Variants in SORBS2 observed in about 807,000 individuals in gnomAD.
The protein encoded by SORBS2 is sorbin and SH3 domain containing 2, also known as sorbin and SH3 domain-containing protein 2.
SORBS2 carries 46 observed loss-of-function variants against 97.7 expected under a neutral mutation model. The ratio of observed to expected loss-of-function variants is 0.47; its 90% CI spans 0.37 to 0.60. The LOEUF (loss-of-function observed/expected upper bound fraction) is 0.60. Among genes scored for constraint, SORBS2 ranks in the 20% least tolerant of loss-of-function variants. The pLI, the probability that SORBS2 is intolerant of heterozygous loss-of-function variation, is 0.00. For synonymous variants in SORBS2, 476 were observed against 473.4 expected, an observed-to-expected ratio of 1.01 and a Z score of -0.07; for missense variants, 1,316 against 1,282.3, an observed-to-expected ratio of 1.03 and a Z score of -0.40.
chr4:185,784,698 G>A (rs1215299966), intron 1 of SORBS2, among the ~76,000 whole-genome samples: 2 of 152,060 alleles, frequency 1.3e-5, no homozygotes, highest in South Asian at 2.1e-4. Context: ...ACATTAGACC[G>A]GCTGAACGAC....
At chr4:185,953,189 C>G (rs2099278015) in intron 1 of SORBS2, among the ~76,000 whole-genome samples, 1 of 152,206 alleles carries the variant, frequency 6.6e-6, no homozygotes, top group Admixed American at 6.5e-5. Context: ...GGGGCGCACG[C>G]CTGAATCCCA....
chr4:185,635,439 A>G, intron 4 of SORBS2, 28 bp from the exon 16 acceptor site: 8 of 1,569,530 alleles, frequency 5.1e-6, no homozygotes, highest in Non-Finnish European at 7.0e-6. Flanking sequence ...ACAGAAGCAG[A>G]AGTGTAGGGA....
At chr4:185,609,059 A>G (rs1872448) in intron 12 of SORBS2, among the ~76,000 whole-genome samples, 93,987 of 151,476 alleles carry the variant, frequency 0.62, 29,645 homozygotes, top group African/African-American at 0.71. Flanking sequence ...TCATGTGAGC[A>G]TCTTAATACA....
chr4:185,660,244 C>T (rs2097494229), upstream of SORBS2, among the ~76,000 whole-genome samples: 1 of 152,170 alleles, frequency 6.6e-6, no homozygotes, highest in African/African-American at 2.4e-5. Context: ...ACTGCATTCA[C>T]TAAGACAGGC....
At chr4:185,678,875 C>G in intron 2 of SORBS2, 53 bp from the exon 6 acceptor site, 1 of 1,122,968 alleles carries the variant, frequency 8.9e-7, no homozygotes, top group Non-Finnish European at 1.2e-6. Flanking sequence ...AAATGAACAA[C>G]CCAGTAAAAA....
intron 2 of SORBS2, among the ~76,000 whole-genome samples, chr4:185,727,783 T>A (rs2098569728): frequency 6.6e-6 from 1 of 152,218 alleles, no homozygotes; most frequent in Non-Finnish European, 1.5e-5. Context: ...AACAGCTTGT[T>A]CAGAAAAAAT....
chr4:185,778,342 G>A (rs2099010244), intron 1 of SORBS2, among the ~76,000 whole-genome samples: 1 of 152,042 alleles, frequency 6.6e-6, no homozygotes, highest in Non-Finnish European at 1.5e-5. Flanking sequence ...ACAAATTCCC[G>A]GGTGATTCTT....
intron 2 of SORBS2, among the ~76,000 whole-genome samples, chr4:185,720,923 G>A (rs530775472): frequency 4.6e-5 from 7 of 151,956 alleles, no homozygotes; most frequent in Non-Finnish European, 8.8e-5. Flanking sequence ...TAGGCCCATC[G>A]CTCTGTCTCC....
chr4:185,672,815 A>G (rs1203572180), intron 4 of SORBS2, among the ~76,000 whole-genome samples: 2 of 152,210 alleles, frequency 1.3e-5, no homozygotes, highest in Non-Finnish European at 2.9e-5. Flanking sequence ...CTCACAGGGT[A>G]TAGCTTACAG....
At chr4:185,688,390 G>A (rs1015799288) in intron 2 of SORBS2, among the ~76,000 whole-genome samples, 3 of 151,824 alleles carry the variant, frequency 2.0e-5, no homozygotes, top group Non-Finnish European at 4.4e-5. Flanking sequence ...CTGTTTAAAT[G>A]AATATTGATA....
chr4:185,787,586 TTTC>T (rs1325831439), intron 1 of SORBS2, among the ~76,000 whole-genome samples: 1 of 152,206 alleles, frequency 6.6e-6, no homozygotes, highest in Admixed American at 6.5e-5. Context: ...CTCTGTCTGA[TTTC>T]TTTTTTAATT....
chr4:185,626,899 T>C, exon 6 of SORBS2: 1 of 1,614,252 alleles, frequency 6.2e-7, no homozygotes, highest in Non-Finnish European at 8.5e-7. Context: ...TGCTTGATCC[T>C]GGGAGGTCCA....
chr4:185,789,288 C>T (rs866132367), intron 1 of SORBS2, among the ~76,000 whole-genome samples: 26 of 152,220 alleles, frequency 1.7e-4, no homozygotes, highest in Admixed American at 4.6e-4. Context: ...AATGAGACTG[C>T]CTTCCTTCTA....
chr4:185,873,382 C>G (rs972503504), intron 1 of SORBS2, among the ~76,000 whole-genome samples: 15 of 152,146 alleles, frequency 9.9e-5, no homozygotes, highest in Admixed American at 3.9e-4. Context: ...TAGATCCTGC[C>G]TTACTACTTG....
At chr4:185,871,532 A>C (rs1243813881) in intron 1 of SORBS2, among the ~76,000 whole-genome samples, 1 of 152,228 alleles carries the variant, frequency 6.6e-6, no homozygotes, top group Admixed American at 6.5e-5. Context: ...CACTCACAAG[A>C]AAAATACAAG....
chr4:185,797,768 C>T (rs528730530), intron 1 of SORBS2, among the ~76,000 whole-genome samples: 61 of 151,974 alleles, frequency 4.0e-4, no homozygotes, highest in African/African-American at 1.3e-3. Flanking sequence ...TCTTCCATGC[C>T]CCCACACCAC....
chr4:185,860,624 C>T (rs7695297), intron 1 of SORBS2, among the ~76,000 whole-genome samples: 41,924 of 151,988 alleles, frequency 0.28, 6,048 homozygotes, highest in East Asian at 0.55. Flanking sequence ...GACATGTACC[C>T]AAGGTGGCTG....
At chr4:185,810,883 A>G (rs6552923) in intron 1 of SORBS2, 51,084 of 151,978 alleles carry the variant, frequency 0.34, 8,696 homozygotes, top group African/African-American at 0.38. Context: ...TATCTCTGAA[A>G]CCTATCTGCT....
At chr4:185,641,470 C>G (rs1019065740) in intron 4 of SORBS2, among the ~76,000 whole-genome samples, 1 of 152,102 alleles carries the variant, frequency 6.6e-6, no homozygotes, top group Non-Finnish European at 1.5e-5. Flanking sequence ...CTATGGTGAC[C>G]TGGAGGCACT....
Sources: allele counts gnomAD v4.1 joint callset (sites outside exome capture counted in the v4.1 genomes callset), GRCh38; gene constraint gnomAD v4.1.1; transcripts MANE v1.5; gene names NCBI Gene and HGNC (gene_info 2026-07-23, HGNC 2026-07-21).